The following RANBP9 variants were observed in gnomAD, a reference collection of about 807,000 sequenced individuals.
RANBP9 encodes ran-binding protein 9.
RANBP9 carries 15 observed loss-of-function variants against 84.3 expected under a neutral mutation model. The observed-to-expected ratio is 0.18, with a 90% CI of 0.12 to 0.27. The LOEUF (loss-of-function observed/expected upper bound fraction) is 0.27. Among genes scored for constraint, RANBP9 ranks in the 10% least tolerant of loss-of-function variants. The pLI is 1.00. For synonymous variants in RANBP9, 392 were observed against 349.6 expected (o/e 1.12, Z -1.35); for missense variants, 809 against 912.8 (o/e 0.89, Z 1.46).
Position 13,642,533 on chromosome 6 carries a change from T to C in RANBP9, c.1171A>G (p.Arg391Gly). 1 of 1,612,338 alleles carries C rather than the reference T, an allele frequency of 6.2e-7. No individual in the cohort carries two copies. Among genetic ancestry groups the C allele is most frequent in the Non-Finnish European group, 8.5e-7 (1 of 1,178,790 alleles). ...TCTAGAACGGTCTGGTCTGTAGATCTGGCAAAGGCCTCTGCTGTGGCACAG... is the reference window on the plus strand; with the variant it reads ...TCTAGAACGGTCTGGTCTGTAGATCCGGCAAAGGCCTCTGCTGTGGCACAG... ...GYCATAEAFA[R>G]STDQTVLEEL... The change falls in exon 7 of 14, where the codon AGA becomes GGA. Residue 391 changes from arginine (R) to glycine (G), a missense_variant. Physicochemically the swap from Arg to Gly is moderately radical, Grantham distance 125. Transcript: ENST00000011619.
intron 2 of RANBP9, among the ~76,000 whole-genome samples, chr6:13,670,497 G>GA (rs1036021793): frequency 2.0e-5 from 3 of 151,922 alleles, no homozygotes; most frequent in South Asian, 2.1e-4. Context: ...AGAAACACAA[G>GA]AAAAAATAGA....
chr6:13,670,839 C>A (rs945311794), intron 2 of RANBP9, among the ~76,000 whole-genome samples: 4 of 150,344 alleles, frequency 2.7e-5, no homozygotes, highest in Non-Finnish European at 5.9e-5. Flanking sequence ...AACTAGACTC[C>A]ATAAAATTTA....
Position 13,711,147 on chromosome 6 carries a change from G to C in RANBP9, c.359C>G (p.Thr120Ser), listed in dbSNP as rs1393673244. The stretch of plus-strand genomic sequence containing the variant: ...GCTGCTGCCCGCCACCAGAGCTGGG[G>C]TCGGGGCTCCTCCAGCCGGGCCGGG... ...AGPGPAGGAPTPALVAGSSAA... is the reference protein window; with the variant it reads ...AGPGPAGGAPSPALVAGSSAA... Residue 120 changes from threonine (T) to serine (S), a missense_variant, in exon 1 of 14, where the codon ACC becomes AGC. Coordinates refer to ENST00000011619, the MANE Select transcript of RANBP9 (RefSeq NM_005493.3). The C allele has an allele frequency of 4.0e-6, 6 of 1,518,832 alleles. No individual in the cohort carries two copies. The highest frequency in any genetic ancestry group is 5.3e-6 in the Non-Finnish European group (6 of 1,135,218). 94.1% of individuals were successfully genotyped at this position (1,518,832 alleles called of 1,614,324 possible). A position where few individuals can be genotyped will look rare whatever the true frequency, so the allele number is the denominator to read the frequency against.
intron 5 of RANBP9, among the ~76,000 whole-genome samples, chr6:13,649,056 T>A (rs1222434863): frequency 6.6e-6 from 1 of 152,132 alleles, no homozygotes; most frequent in Non-Finnish European, 1.5e-5. Context: ...GGTAAACTGG[T>A]TTTTCTGCAA....
At chr6:13,683,485 A>C (rs1189901690) in intron 2 of RANBP9, among the ~76,000 whole-genome samples, 1 of 152,184 alleles carries the variant, frequency 6.6e-6, no homozygotes, top group East Asian at 1.9e-4. Flanking sequence ...TATTAAAGTG[A>C]AAGTATAAGA....
At chr6:13,640,809 T>G (rs1667450499) in intron 8 of RANBP9, among the ~76,000 whole-genome samples, 2 of 152,112 alleles carry the variant, frequency 1.3e-5, no homozygotes, top group Non-Finnish European at 2.9e-5. Context: ...TGGAGTCGGA[T>G]GGTGGTGATG....
chr6:13,705,875 A>AAAAAAAAAAAAAAAAAAG (rs1554107633), intron 1 of RANBP9, among the ~76,000 whole-genome samples: 1 of 150,184 alleles, frequency 6.7e-6, no homozygotes, highest in African/African-American at 2.5e-5. Context: ...TCTCAAAAAA[A>AAAAAAAAAAAAAAAAAAG]AAAAAAAAAA....
rs1264665849 is a variant in RANBP9, at chr6:13,711,814, G to T, written c.-309C>A. On this transcript the variant is annotated 5_prime_UTR_variant, in exon 1 of 14. Transcript: ENST00000011619. ...GGAAGGCGCGCTGGCGGCCGCCGCG[G>T]CCGCTGCTCTCGCGGCTGTTTCCCG... 6.8e-6 allele frequency among the ~76,000 whole-genome samples: 1 copy of T among 146,184 alleles called. No homozygotes were observed. Among genetic ancestry groups the T allele is most frequent in the Non-Finnish European group, 1.5e-5 (1 of 65,766 alleles).
intron 13 of RANBP9, among the ~76,000 whole-genome samples, chr6:13,624,025 A>G (rs1764531955): frequency 6.6e-6 from 1 of 152,200 alleles, no homozygotes; most frequent in African/African-American, 2.4e-5. Flanking sequence ...GTAAACCATA[A>G]TTTTCCTTAC....
At chr6:13,642,287 AT>A (rs1198301080) in intron 7 of RANBP9, among the ~76,000 whole-genome samples, 191 bp downstream of exon 7, 1 of 152,176 alleles carries the variant, frequency 6.6e-6, no homozygotes, top group African/African-American at 2.4e-5. Context: ...TAGAATTAGA[AT>A]TCTGACATAG....
chr6:13,671,739 T>C (rs1765783456), intron 2 of RANBP9, among the ~76,000 whole-genome samples: 1 of 152,092 alleles, frequency 6.6e-6, no homozygotes, highest in South Asian at 2.1e-4. Flanking sequence ...ATTACCAAAT[T>C]GTGCATTTTT....
At chr6:13,665,648 G>A (rs1765628059) in intron 2 of RANBP9, among the ~76,000 whole-genome samples, 1 of 152,088 alleles carries the variant, frequency 6.6e-6, no homozygotes, top group Non-Finnish European at 1.5e-5. Flanking sequence ...AAATGAAGAT[G>A]TGTCTACCAA....
chr6:13,675,639 A>AAAAAT (rs537987714), intron 2 of RANBP9, among the ~76,000 whole-genome samples: 3 of 151,916 alleles, frequency 2.0e-5, no homozygotes, highest in Non-Finnish European at 2.9e-5. Flanking sequence ...TGAAATTTTA[A>AAAAAT]AAAATAAAAT....
intron 1 of RANBP9, among the ~76,000 whole-genome samples, chr6:13,708,633 C>T (rs1414532399): frequency 6.6e-6 from 1 of 152,070 alleles, no homozygotes; most frequent in African/African-American, 2.4e-5. Flanking sequence ...TTAGGTAAAA[C>T]CAATGCAGCA....
At chr6:13,650,076 T>C (rs1460789942) in intron 5 of RANBP9, among the ~76,000 whole-genome samples, 2 of 152,148 alleles carry the variant, frequency 1.3e-5, no homozygotes, top group Non-Finnish European at 2.9e-5. Context: ...CCTAACAATA[T>C]GTATTTTAAA....
intron 2 of RANBP9, among the ~76,000 whole-genome samples, chr6:13,695,155 C>T (rs182736309): frequency 6.6e-6 from 1 of 152,230 alleles, no homozygotes; most frequent in East Asian, 1.9e-4. Context: ...ATCCTTGAAG[C>T]AACAGATATC....
At position 13,711,527 on chromosome 6, in the gene RANBP9, G is replaced by T. The variant is rs757591093; in HGVS notation, c.-22C>A. ...ACATCCCGGCCGCGACTCAGCCTGC[G>T]GCCACCTCCACCTCTTCTCTCCTTC... On this transcript the variant is annotated 5_prime_UTR_variant, in exon 1 of 14. Transcript: ENST00000011619. 8.0e-7 allele frequency: 1 copy of T among 1,245,492 alleles called. No homozygotes were observed. Among genetic ancestry groups the T allele is most frequent in the African/African-American group, 1.6e-5 (1 of 64,228 alleles). The allele number at this position is 1,245,492 out of a possible 1,614,324, so 77.2% of individuals were successfully genotyped here.
At chr6:13,693,740 C>T (rs1766378867) in intron 2 of RANBP9, among the ~76,000 whole-genome samples, 1 of 151,994 alleles carries the variant, frequency 6.6e-6, no homozygotes, top group Non-Finnish European at 1.5e-5. Context: ...ATATGAAAAA[C>T]GTATATATGT....
At chr6:13,668,785 G>C (rs576502457) in intron 2 of RANBP9, among the ~76,000 whole-genome samples, 99 of 152,150 alleles carry the variant, frequency 6.5e-4, no homozygotes, top group African/African-American at 2.3e-3. Flanking sequence ...AGCATACTTA[G>C]TGGTAAAAGA....
Sources: allele counts gnomAD v4.1 joint callset (sites outside exome capture counted in the v4.1 genomes callset), GRCh38; gene constraint gnomAD v4.1.1; transcripts MANE v1.5; gene names NCBI Gene and HGNC (gene_info 2026-07-23, HGNC 2026-07-21).